RBFOX1: variants seen among roughly 807,000 people sequenced by gnomAD.
RBFOX1 encodes RNA binding protein fox-1 homolog 1.
A neutral mutation model predicts 57.7 loss-of-function variants in RBFOX1; 8 were observed. That is an observed-to-expected ratio of 0.14 (90% CI 0.08 to 0.25). The LOEUF (loss-of-function observed/expected upper bound fraction) is 0.25, where lower values mean the gene tolerates loss of function less well. Among genes scored for constraint, RBFOX1 ranks in the 10% least tolerant of loss-of-function variants. The pLI, the probability that RBFOX1 is intolerant of heterozygous loss-of-function variation, is 1.00. For missense variants in RBFOX1, 611 were observed against 548.5 expected (o/e 1.11, Z -1.14); for synonymous variants, 326 against 222.4 (o/e 1.47, Z -4.15).
chr16:5,532,851 A>G (rs1019068427), intron 2 of RBFOX1, among the ~76,000 whole-genome samples: 3 of 152,186 alleles, frequency 2.0e-5, no homozygotes, highest in African/African-American at 7.2e-5. Context: ...TGTGCAATGT[A>G]TTCCAACAGA....
intron 1 of RBFOX1, among the ~76,000 whole-genome samples, chr16:5,312,116 A>G (rs970300696): frequency 6.6e-6 from 1 of 152,220 alleles, no homozygotes; most frequent in Non-Finnish European, 1.5e-5. Flanking sequence ...ATTTCATTGC[A>G]TGAGAATAGC....
chr16:6,815,787 A>G (rs185751992), intron 3 of RBFOX1, among the ~76,000 whole-genome samples: 187 of 152,260 alleles, frequency 1.2e-3, no homozygotes, highest in Middle Eastern at 3.4e-3. Context: ...TCTAATTCCA[A>G]CTACCTAATA....
intron 2 of RBFOX1, among the ~76,000 whole-genome samples, chr16:6,626,159 C>G (rs1406255517): frequency 6.7e-6 from 1 of 148,810 alleles, no homozygotes; most frequent in Admixed American, 6.7e-5. Context: ...TTTTTTTTCC[C>G]AAATTGCATA....
intron 2 of RBFOX1, among the ~76,000 whole-genome samples, chr16:6,401,636 A>G (rs997199844): frequency 2.6e-5 from 4 of 151,996 alleles, no homozygotes; most frequent in Non-Finnish European, 5.9e-5. Context: ...ATTTACCCAT[A>G]CCCCATTTCA....
At chr16:6,474,418 A>G (rs2095240924) in intron 2 of RBFOX1, among the ~76,000 whole-genome samples, 1 of 151,480 alleles carries the variant, frequency 6.6e-6, no homozygotes, top group Non-Finnish European at 1.5e-5. Context: ...GGAGGCACTT[A>G]AAGAATTTTC....
chr16:7,350,015 C>T (rs180710437), intron 4 of RBFOX1, among the ~76,000 whole-genome samples: 83 of 152,168 alleles, frequency 5.5e-4, no homozygotes, highest in African/African-American at 2.0e-3. Flanking sequence ...GGCATGATGG[C>T]GCATGCCTGT....
chr16:6,847,449 C>G (rs1347157572), intron 3 of RBFOX1, among the ~76,000 whole-genome samples: 2 of 152,022 alleles, frequency 1.3e-5, no homozygotes, highest in African/African-American at 2.4e-5. Context: ...ATCATCTTCA[C>G]AGCAATGGGG....
chr16:7,611,632 C>T (rs1250740886), intron 10 of RBFOX1, among the ~76,000 whole-genome samples: 1 of 151,550 alleles, frequency 6.6e-6, no homozygotes, highest in African/African-American at 2.4e-5. Context: ...GTTTTGACTC[C>T]CCGAGTATGT....
chr16:6,888,360 T>C (rs540404479), intron 3 of RBFOX1, among the ~76,000 whole-genome samples: 38 of 152,312 alleles, frequency 2.5e-4, no homozygotes, highest in South Asian at 1.5e-3. Context: ...TTGAAAACTT[T>C]TTCGTTTTTT....
chr16:7,703,884 T>G (rs1464031143), intron 14 of RBFOX1, among the ~76,000 whole-genome samples: 2 of 152,182 alleles, frequency 1.3e-5, no homozygotes, highest in Non-Finnish European at 2.9e-5. Context: ...TGCATGTGAT[T>G]ATATTAGAAT....
At chr16:5,780,333 T>C (rs910998908) in intron 3 of RBFOX1, among the ~76,000 whole-genome samples, 19 of 152,230 alleles carry the variant, frequency 1.2e-4, no homozygotes, top group Non-Finnish European at 2.4e-4. Context: ...CTTACCTTTC[T>C]ATAATCTTTT....
rs1033076784 is a variant in RBFOX1, at chr16:6,019,057, G to T, written c.-1062G>T. The T allele has an allele frequency of 3.1e-6, 3 of 974,454 alleles. No homozygotes were observed. The African/African-American group carries it at 5.3e-5, about 17-fold the overall frequency. The allele number at this position is 974,454 out of a possible 1,614,324, so 60.4% of individuals were successfully genotyped here. A position where few individuals can be genotyped will look rare whatever the true frequency, so the allele number is the denominator to read the frequency against. On this transcript the variant is annotated 5_prime_UTR_variant, in exon 1 of 16. Coordinates refer to ENST00000550418, the MANE Select transcript of RBFOX1 (RefSeq NM_018723.4). The surrounding 1 kb of genome is among the most constrained non-coding windows in gnomAD (Gnocchi z 4.2). ...TTTGGCTCCGCAGCCGGGGCTGCTC[G>T]CTGCTTGTCGCGCGCTCACACACAC...
At chr16:7,356,868 G>A (rs895888379) in intron 4 of RBFOX1, among the ~76,000 whole-genome samples, 3 of 152,118 alleles carry the variant, frequency 2.0e-5, no homozygotes, top group South Asian at 2.1e-4. Context: ...TCAGTATCTG[G>A]GTCACAGCTT....
intron 1 of RBFOX1, among the ~76,000 whole-genome samples, chr16:6,081,840 T>A (rs1186452406): frequency 6.6e-6 from 1 of 152,130 alleles, no homozygotes; most frequent in African/African-American, 2.4e-5. Context: ...ACGCTTGGTT[T>A]CTTGAGAGTC....
intron 2 of RBFOX1, among the ~76,000 whole-genome samples, chr16:6,455,010 G>C (rs561840040): frequency 9.4e-5 from 14 of 149,240 alleles, no homozygotes; most frequent in Non-Finnish European, 1.0e-4. Flanking sequence ...AGCCTCCCAA[G>C]TAGCTGGGAC....
At chr16:7,509,483 C>T (rs1012026276) in intron 4 of RBFOX1, among the ~76,000 whole-genome samples, 1 of 150,246 alleles carries the variant, frequency 6.7e-6, no homozygotes, top group African/African-American at 2.5e-5. Flanking sequence ...TAATTAGATC[C>T]TTACAATAAT....
At chr16:6,179,800 G>T (rs1233275873) in intron 1 of RBFOX1, among the ~76,000 whole-genome samples, 2 of 152,192 alleles carry the variant, frequency 1.3e-5, no homozygotes, top group Non-Finnish European at 2.9e-5. Context: ...GTTTCTGTGG[G>T]TTGAGAATTT....
intron 4 of RBFOX1, among the ~76,000 whole-genome samples, chr16:5,923,748 C>T (rs934160377): frequency 1.3e-5 from 2 of 151,892 alleles, no homozygotes; most frequent in African/African-American, 4.8e-5. Flanking sequence ...ACCATGTTGG[C>T]CAGACTGGTC....
chr16:7,252,272 T>C (rs9933883), intron 4 of RBFOX1, among the ~76,000 whole-genome samples: 102,067 of 152,088 alleles, frequency 0.67, 35,863 homozygotes, highest in African/African-American at 0.88. Flanking sequence ...CTTTAAATTT[T>C]AAGCTTTTCC....
Sources: allele counts gnomAD v4.1 joint callset (sites outside exome capture counted in the v4.1 genomes callset), GRCh38; gene constraint gnomAD v4.1.1; non-coding constraint Gnocchi (gnomAD v3.1); transcripts MANE v1.5; gene names NCBI Gene and HGNC (gene_info 2026-07-23, HGNC 2026-07-21).